The following KCNQ1 variants were observed in gnomAD, a reference collection of about 807,000 sequenced individuals.
KCNQ1 encodes the protein potassium voltage-gated channel subfamily Q member 1, also known as potassium voltage-gated channel subfamily KQT member 1.
In KCNQ1, 49 loss-of-function variants were observed where a neutral mutation model predicts 72.4. The observed-to-expected ratio is 0.68, with a 90% CI of 0.54 to 0.86. The LOEUF is 0.86. KCNQ1 is among the 40% of genes least tolerant of loss of function. KCNQ1 has a pLI of 0.00. For missense variants in KCNQ1, 790 were observed against 945.1 expected, an observed-to-expected ratio of 0.84 and a Z score of 2.15; for synonymous variants, 450 against 412.6, an observed-to-expected ratio of 1.09 and a Z score of -1.10.
chr11:2,486,023 C>T lies in KCNQ1; in HGVS notation c.386+40539C>T, dbSNP rs1406426853. Among the ~76,000 whole-genome samples, 1 of 152,152 alleles carries T rather than the reference C, an allele frequency of 6.6e-6. No homozygotes were observed. Among genetic ancestry groups the T allele is most frequent in the Non-Finnish European group, 1.5e-5 (1 of 68,038 alleles). ...GAATATGGGTGTACAAATATCTTTTCAACGCCCTGCTTTCAATTCTTTTGG... is the reference window on the plus strand; with the variant it reads ...GAATATGGGTGTACAAATATCTTTTTAACGCCCTGCTTTCAATTCTTTTGG... On this transcript the variant is annotated intron_variant, in intron 1 of 15. Coordinates refer to ENST00000155840, the MANE Select transcript of KCNQ1 (RefSeq NM_000218.3). This position sits in a 1 kb window ranked among gnomAD's most constrained non-coding sequence, Gnocchi z 5.0.
chr11:2,655,815 A>C, intron 10 of KCNQ1: 1 of 398,612 alleles, frequency 2.5e-6, no homozygotes, highest in East Asian at 3.6e-5. Flanking sequence ...AGTCTCCAAC[A>C]CACAAGCCAG....
At chr11:2,840,293 G>T (rs925339112) in intron 15 of KCNQ1, 19 of 152,876 alleles carry the variant, frequency 1.2e-4, no homozygotes, top group African/African-American at 4.3e-4. Context: ...ACTGTCTCGG[G>T]TGACAGAGGA....
At position 2,481,729 on chromosome 11, in the gene KCNQ1, G is replaced by A. The variant is rs1564793503; in HGVS notation, c.386+36245G>A. On this transcript the variant is annotated intron_variant, in intron 1 of 15. Coordinates refer to ENST00000155840, the MANE Select transcript of KCNQ1 (RefSeq NM_000218.3). The surrounding 1 kb of genome is among the most constrained non-coding windows in gnomAD (Gnocchi z 4.6). ...ACTATGCATGTGAGGGATCTAGGTT[G>A]CCTCCTCTTTATAAGAATCTAATGC... 6.6e-6 allele frequency among the ~76,000 whole-genome samples: 1 copy of A among 152,192 alleles called. No homozygotes were observed. Among genetic ancestry groups the A allele is most frequent in the Non-Finnish European group, 1.5e-5 (1 of 68,036 alleles).
intron 15 of KCNQ1, among the ~76,000 whole-genome samples, chr11:2,779,489 C>T (rs564476996): frequency 6.6e-6 from 1 of 152,272 alleles, no homozygotes; most frequent in African/African-American, 2.4e-5. Context: ...GCAGGCGGGG[C>T]GTGAACATCC....
rs968749587 is a variant in KCNQ1, at chr11:2,588,257, A to G, written c.1252-456A>G. On this transcript the variant is annotated intron_variant, in intron 9 of 15. Coordinates refer to ENST00000155840, the MANE Select transcript of KCNQ1 (RefSeq NM_000218.3). The surrounding 1 kb of genome is among the most constrained non-coding windows in gnomAD (Gnocchi z 5.6). ...CCCTGTGGAGAGACCTGGCCTTCCCAGTTTCCAGCTGCCGGTGGAGCCTCC... is the reference window on the plus strand; with the variant it reads ...CCCTGTGGAGAGACCTGGCCTTCCCGGTTTCCAGCTGCCGGTGGAGCCTCC... Among the ~76,000 whole-genome samples, 1 of 151,844 alleles carries G rather than the reference A, an allele frequency of 6.6e-6. No homozygotes were observed. The highest frequency in any genetic ancestry group is 2.4e-5 in the African/African-American group (1 of 41,328).
In KCNQ1 at chr11:2,734,945, G is replaced by C. The variant is rs904913107; in HGVS notation, c.1515-33899G>C. On this transcript the variant is annotated intron_variant, in intron 11 of 15. Coordinates refer to ENST00000155840, the MANE Select transcript of KCNQ1 (RefSeq NM_000218.3). The surrounding 1 kb of genome is among the most constrained non-coding windows in gnomAD (Gnocchi z 7.0). ...CTGGGCCAGCAGCATGTTCCAGTGC[G>C]ACACATGTGCCCCGGAGTGGCCGCG... is the stretch of plus-strand genomic sequence containing the variant. Among the ~76,000 whole-genome samples the C allele has an allele frequency of 6.6e-6, 1 of 152,028 alleles. No individual in the cohort carries two copies. The highest frequency in any genetic ancestry group is 1.5e-5 in the Non-Finnish European group (1 of 67,982).
chr11:2,690,988 A>G lies in KCNQ1; in HGVS notation c.1514+28907A>G, dbSNP rs761190292. The stretch of plus-strand genomic sequence containing the variant: ...TGTGTCAACAAAAGCCCACCAGACC[A>G]TCAATGAAGTGGGCAAAAGCTCTGG... On this transcript the variant is annotated intron_variant, in intron 11 of 15. Transcript: ENST00000155840. This position sits in a 1 kb window ranked among gnomAD's most constrained non-coding sequence, Gnocchi z 5.1. 5.0e-6 allele frequency: 2 copies of G among 398,698 alleles called. No individual in the cohort carries two copies. Among genetic ancestry groups the G allele is most frequent in the Non-Finnish European group, 8.8e-6 (2 of 226,080 alleles). The allele number at this position is 398,698 out of a possible 1,614,324, so 24.7% of individuals were successfully genotyped here.
At chr11:2,522,212 G>A (rs1226598841) in intron 1 of KCNQ1, among the ~76,000 whole-genome samples, 10 of 138,966 alleles carry the variant, frequency 7.2e-5, no homozygotes, top group Non-Finnish European at 1.3e-4. Context: ...CCCGCCCCCC[G>A]CATGACCACG....
intron 2 of KCNQ1, among the ~76,000 whole-genome samples, chr11:2,552,223 T>C (rs551122416): frequency 1.2e-4 from 18 of 152,352 alleles, no homozygotes; most frequent in African/African-American, 3.8e-4. Flanking sequence ...AGAAATTTTA[T>C]AGTTTCACAT....
intron 15 of KCNQ1, among the ~76,000 whole-genome samples, chr11:2,793,346 A>T (rs1389270472): frequency 6.6e-6 from 1 of 152,160 alleles, no homozygotes; most frequent in Non-Finnish European, 1.5e-5. Flanking sequence ...GAGGCTGGGC[A>T]CAGTGGCTCA....
chr11:2,619,209 T>C (rs1589985063), intron 10 of KCNQ1: 2 of 398,584 alleles, frequency 5.0e-6, no homozygotes, highest in Non-Finnish European at 4.4e-6. Flanking sequence ...CTTCCAGTAC[T>C]ATGTTGAGTA....
chr11:2,570,634 G>C lies in KCNQ1; in HGVS notation c.484G>C (p.Val162Leu), dbSNP rs199472692. ...ATGTLFWMEI[V>L]LVVFFGTEYV... Reference sequence around the variant, plus strand: ...TCCCACTCTGTCCCTGCAGGAGATCGTGCTGGTGGTGTTCTTCGGGACGGA... The same window carrying C: ...TCCCACTCTGTCCCTGCAGGAGATCCTGCTGGTGGTGTTCTTCGGGACGGA... The change falls in exon 3 of 16, where the codon GTG (valine) becomes CTG (leucine). Residue 162 changes from valine to leucine, a missense_variant. Around this residue, in one of 5 missense-constraint regions of KCNQ1, gnomAD observed 294 missense variants for 323.3 expected, o/e 0.91. Coordinates refer to ENST00000155840, the MANE Select transcript of KCNQ1 (RefSeq NM_000218.3). 1 of 1,612,590 alleles carries C rather than the reference G, an allele frequency of 6.2e-7. No individual in the cohort carries two copies. The highest frequency in any genetic ancestry group is 8.5e-7 in the Non-Finnish European group (1 of 1,179,978).
At chr11:2,790,666 G>A (rs1023696766) in intron 15 of KCNQ1, among the ~76,000 whole-genome samples, 6 of 152,192 alleles carry the variant, frequency 3.9e-5, no homozygotes, top group African/African-American at 9.7e-5. Context: ...GGCTCTCAGC[G>A]CCTCAGCCTC....
intron 10 of KCNQ1, chr11:2,635,421 C>T (rs1439340655): frequency 6.6e-6 from 1 of 152,150 alleles, no homozygotes; most frequent in African/African-American, 2.4e-5. Flanking sequence ...TTTCCCAGCA[C>T]CATTTATTAA....
At chr11:2,587,196 C>G (rs138144245) in intron 8 of KCNQ1, among the ~76,000 whole-genome samples, 1 of 152,184 alleles carries the variant, frequency 6.6e-6, no homozygotes, top group South Asian at 2.1e-4. Flanking sequence ...TGCCCATTTC[C>G]GCATTGGTCT....
chr11:2,832,540 C>A (rs1238561715), intron 15 of KCNQ1, among the ~76,000 whole-genome samples: 1 of 152,218 alleles, frequency 6.6e-6, no homozygotes, highest in Admixed American at 6.5e-5. Flanking sequence ...ACGCAGTCCC[C>A]GCCCATGCCC....
intron 15 of KCNQ1, among the ~76,000 whole-genome samples, chr11:2,823,903 T>C (rs1847787832): frequency 6.6e-6 from 1 of 152,166 alleles, no homozygotes; most frequent in Non-Finnish European, 1.5e-5. Context: ...CTCACCTTCA[T>C]ACAAGGAAGA....
chr11:2,666,374 A>G, intron 11 of KCNQ1: 1 of 398,670 alleles, frequency 2.5e-6, no homozygotes, highest in African/African-American at 2.1e-5. Context: ...GCCTCTTGTG[A>G]CATGACAGCT....
chr11:2,688,431 C>G (rs1162024003), intron 11 of KCNQ1: 2 of 398,640 alleles, frequency 5.0e-6, no homozygotes, highest in African/African-American at 4.1e-5. Flanking sequence ...GGCCCCAGCC[C>G]CTGCCTGTGC....
Sources: gnomAD v4.1 joint callset for allele counts (sites outside exome capture counted in the v4.1 genomes callset) on GRCh38, gnomAD v4.1.1 for gene constraint, gnomAD v4.1.1 regional missense constraint, Gnocchi (gnomAD v3.1) non-coding constraint, MANE v1.5 for transcripts, NCBI Gene and HGNC (gene_info 2026-07-23, HGNC 2026-07-21) for gene names.